The following GRIA1 variants were observed in gnomAD, a reference collection of about 807,000 sequenced individuals.
GRIA1 encodes the protein glutamate ionotropic receptor AMPA type subunit 1.
In GRIA1, 31 loss-of-function variants were observed where a neutral mutation model predicts 99.2. The ratio of observed to expected loss-of-function variants is 0.31; its 90% CI spans 0.23 to 0.42. The LOEUF (loss-of-function observed/expected upper bound fraction) is 0.42. Among genes scored for constraint, GRIA1 ranks in the 10% least tolerant of loss-of-function variants. The pLI, the probability that GRIA1 is intolerant of heterozygous loss-of-function variation, is 1.00. For missense variants in GRIA1, 782 were observed against 1,157.5 expected, an observed-to-expected ratio of 0.68 and a Z score of 4.71; for synonymous variants, 438 against 432.4, an observed-to-expected ratio of 1.01 and a Z score of -0.16.
intron 2 of GRIA1, among the ~76,000 whole-genome samples, chr5:153,530,692 G>C (rs1361290090): frequency 6.6e-6 from 1 of 152,238 alleles, no homozygotes; most frequent in African/African-American, 2.4e-5. Flanking sequence ...AGACAGGCAT[G>C]CTTTACCTCC....
chr5:153,618,676 C>G (rs548939198), intron 2 of GRIA1, among the ~76,000 whole-genome samples: 1 of 152,260 alleles, frequency 6.6e-6, no homozygotes, highest in East Asian at 1.9e-4. Flanking sequence ...TTATAATATG[C>G]ACAAATGCTC....
intron 11 of GRIA1, among the ~76,000 whole-genome samples, chr5:153,753,365 G>GA (rs1762615714): frequency 6.6e-6 from 1 of 152,232 alleles, no homozygotes; most frequent in African/African-American, 2.4e-5. Flanking sequence ...GGGCTTTGAA[G>GA]AAGTCAGTGC....
Position 153,575,355 on chromosome 5 carries a change from G to A in GRIA1, c.221-71573G>A, listed in dbSNP as rs529267589. On this transcript the variant is annotated intron_variant, in intron 2 of 15. Coordinates refer to ENST00000285900, the MANE Select transcript of GRIA1 (RefSeq NM_000827.4). ...TGGTCCTCAACTGAAATCAAATTAG[G>A]TAGTCTTATGTAGGGAAATGAATAA... Among the ~76,000 whole-genome samples, 59 of 152,222 alleles carry A rather than the reference G, an allele frequency of 3.9e-4. No homozygotes were observed. The South Asian group carries it at 9.8e-3, about 25-fold the overall frequency.
At chr5:153,736,227 TC>T (rs1400223028) in intron 11 of GRIA1, among the ~76,000 whole-genome samples, 9 of 152,144 alleles carry the variant, frequency 5.9e-5, no homozygotes, top group Non-Finnish European at 1.3e-4. Context: ...AAGGAGTGTA[TC>T]AAAAACGATG....
At chr5:153,804,328 C>A (rs1425121603) in intron 15 of GRIA1, among the ~76,000 whole-genome samples, 1 of 152,116 alleles carries the variant, frequency 6.6e-6, no homozygotes, top group Non-Finnish European at 1.5e-5. Flanking sequence ...AGGAGCTTGG[C>A]TACACACACA....
chr5:153,546,134 G>C (rs1759595188), intron 2 of GRIA1, among the ~76,000 whole-genome samples: 1 of 152,204 alleles, frequency 6.6e-6, no homozygotes, highest in Admixed American at 6.5e-5. Context: ...TGAATTTGTA[G>C]GGGAACATTA....
Position 153,701,619 on chromosome 5 carries a change from CAAAA to C in GRIA1, c.1452+2566_1452+2569del, listed in dbSNP as rs70978504. On this transcript the variant is annotated intron_variant, in intron 10 of 15. Coordinates refer to ENST00000285900, the MANE Select transcript of GRIA1 (RefSeq NM_000827.4). ...CTGGGCGACAAAGCGAGACCCGTCT[CAAAA>C]AAAAAAAAAAAAAAAAAAATACTAT... Among the ~76,000 whole-genome samples, 14 of 39,414 alleles carry C rather than the reference CAAAA, an allele frequency of 3.6e-4. 2 individuals carry two copies. The East Asian group carries it at 0.011, about 31-fold the overall frequency. The allele number at this position is 39,414 out of a possible 152,430, so 25.9% of individuals were successfully genotyped here. A position where few individuals can be genotyped will look rare whatever the true frequency, so the allele number is the denominator to read the frequency against.
chr5:153,517,779 C>G (rs1756766208), intron 2 of GRIA1, among the ~76,000 whole-genome samples: 1 of 152,188 alleles, frequency 6.6e-6, no homozygotes, highest in East Asian at 1.9e-4. Flanking sequence ...CTACATTAAC[C>G]TCCTAACCTG....
chr5:153,741,303 G>A (rs940307192), intron 11 of GRIA1, among the ~76,000 whole-genome samples: 1 of 152,114 alleles, frequency 6.6e-6, no homozygotes, highest in African/African-American at 2.4e-5. Flanking sequence ...CACTGTGAGT[G>A]AGAATGAAAA....
intron 2 of GRIA1, among the ~76,000 whole-genome samples, chr5:153,584,602 C>G (rs924887731): frequency 2.0e-5 from 3 of 152,058 alleles, no homozygotes; most frequent in Non-Finnish European, 4.4e-5. Context: ...TCTAGGGGAC[C>G]CTGAGGAAGA....
chr5:153,751,964 G>T (rs1762538599), intron 11 of GRIA1, among the ~76,000 whole-genome samples: 3 of 152,084 alleles, frequency 2.0e-5, no homozygotes, highest in Admixed American at 1.3e-4. Flanking sequence ...TGCTCCTGTG[G>T]ATCACTTAAT....
upstream of GRIA1, chr5:153,489,932 A>T (rs75035692): frequency 1.0e-3 from 460 of 441,736 alleles, 1 homozygote; most frequent in African/African-American, 8.6e-3. Context: ...CCCATTTTAA[A>T]TGCCTAGGAT....
intron 13 of GRIA1, among the ~76,000 whole-genome samples, chr5:153,778,651 C>A (rs1230152657): frequency 6.8e-6 from 1 of 147,288 alleles, no homozygotes; most frequent in Non-Finnish European, 1.5e-5. Context: ...TCACCCCCCA[C>A]CACACACACA....
intron 14 of GRIA1, among the ~76,000 whole-genome samples, chr5:153,795,810 T>C (rs1472776864): frequency 6.6e-6 from 1 of 152,042 alleles, no homozygotes; most frequent in East Asian, 1.9e-4. Flanking sequence ...AAAGGCTCCA[T>C]TATCCACTGT....
At chr5:153,566,513 C>T (rs1382483080) in intron 2 of GRIA1, among the ~76,000 whole-genome samples, 6 of 150,692 alleles carry the variant, frequency 4.0e-5, no homozygotes, top group African/African-American at 1.5e-4. Context: ...ACCATGTTGG[C>T]CAGGTTGGTC....
At chr5:153,764,869 T>A (rs935007717) in intron 12 of GRIA1, among the ~76,000 whole-genome samples, 27 of 152,198 alleles carry the variant, frequency 1.8e-4, no homozygotes, top group African/African-American at 6.3e-4. Context: ...CTTGCCTGTA[T>A]CAGTCTGTGC....
At position 153,725,010 on chromosome 5, in the gene GRIA1, AC is replaced by A. The variant is rs546966389; in HGVS notation, c.1823+18946del. Among the ~76,000 whole-genome samples the A allele has an allele frequency of 4.1e-3, 620 of 152,332 alleles. 5 individuals are homozygous for A. The highest frequency in any genetic ancestry group is 0.014 in the African/African-American group (597 of 41,568). ...GGCAGCCAGAGAGAAAGGTCGGCTT[AC>A]CCACAAAGGGAAGCCCATCAGACTA... On this transcript the variant is annotated intron_variant, in intron 11 of 15. Transcript: ENST00000285900.
In GRIA1 at chr5:153,674,620, G is replaced by C. The variant is rs1443221072; in HGVS notation, c.820G>C (p.Asp274His). 2 of 1,614,092 alleles carry C rather than the reference G, an allele frequency of 1.2e-6. No homozygotes were observed. Among genetic ancestry groups the C allele is most frequent in the South Asian group, 1.1e-5 (1 of 91,078 alleles). ...GATCATGCAGCAGTGGAAGAATAGT[G>C]ATGCTCGAGACCACACACGGGTGGA... is the stretch of plus-strand genomic sequence containing the variant. The part of the protein sequence containing the change: ...AKIMQQWKNS[D>H]ARDHTRVDWK... Residue 274 changes from aspartate to histidine, a missense_variant, in exon 6 of 16, where the codon GAT becomes CAT. Asp to His is a moderately conservative substitution (Grantham distance 81). This residue lies in a region of GRIA1 where 461 missense variants were observed against 521.7 expected (regional missense o/e 0.88). Coordinates refer to ENST00000285900, the MANE Select transcript of GRIA1 (RefSeq NM_000827.4).
chr5:153,782,523 T>C (rs975527201), intron 13 of GRIA1, among the ~76,000 whole-genome samples: 11 of 152,156 alleles, frequency 7.2e-5, no homozygotes, highest in Admixed American at 7.2e-4. Flanking sequence ...TATACAACTT[T>C]TTTAGTAGTG....
Sources: gnomAD v4.1 joint callset for allele counts (sites outside exome capture counted in the v4.1 genomes callset) on GRCh38, gnomAD v4.1.1 for gene constraint, gnomAD v4.1.1 regional missense constraint, MANE v1.5 for transcripts, NCBI Gene and HGNC (gene_info 2026-07-23, HGNC 2026-07-21) for gene names.